BPTF: variants seen among roughly 807,000 people sequenced by gnomAD.
BPTF encodes bromodomain PHD finger transcription factor, also known as nucleosome-remodeling factor subunit BPTF.
A neutral mutation model predicts 292.5 loss-of-function variants in BPTF; 18 were observed. That is an observed-to-expected ratio of 0.06 (90% CI 0.04 to 0.09). BPTF has a LOEUF of 0.09. Ranked by LOEUF, BPTF falls within the 10% of genes least tolerant of loss-of-function variation. The pLI is 1.00. For missense variants in BPTF, 2,726 were observed against 3,498.7 expected, an observed-to-expected ratio of 0.78 and a Z score of 5.57; for synonymous variants, 1,225 against 1,251.9, an observed-to-expected ratio of 0.98 and a Z score of 0.45.
Position 67,854,351 on chromosome 17 carries a change from A to G in BPTF, c.1025A>G (p.His342Arg). The change falls in exon 2 of 28, where the codon CAC becomes CGC. Residue 342 changes from histidine to arginine, a missense_variant. Physicochemically the swap from His to Arg is conservative, Grantham distance 29. This residue lies in a region of BPTF where 102 missense variants were observed against 212.6 expected (regional missense o/e 0.48). Transcript: ENST00000306378. This position sits in a 1 kb window ranked among gnomAD's most constrained non-coding sequence, Gnocchi z 5.6. The stretch of plus-strand genomic sequence containing the variant: ...TGTGAGAGTGATAAGGAGTACCATC[A>G]CGTTCTTCCTTACCAAGAGGCAGAG... ...VYCESDKEYH[H>R]VLPYQEAEDY... is the part of the protein sequence containing the mutation. 1 of 1,614,232 alleles carries G rather than the reference A, an allele frequency of 6.2e-7. No individual in the cohort carries two copies. The highest frequency in any genetic ancestry group is 8.5e-7 in the Non-Finnish European group (1 of 1,180,040).
intron 4 of BPTF, chr17:67,875,845 C>A: frequency 9.7e-7 from 1 of 1,027,414 alleles, no homozygotes. Flanking sequence ...TGTGTTCATT[C>A]ATGCTGCTTG....
intron 9 of BPTF, 46 bp from the exon 10 acceptor site, chr17:67,909,536 A>T: frequency 7.6e-7 from 1 of 1,310,140 alleles, no homozygotes; most frequent in Non-Finnish European, 1.0e-6. Flanking sequence ...TTAAAGTGCT[A>T]ATACTCTGGA....
At chr17:67,887,023 A>G (rs1309786208) in intron 4 of BPTF, among the ~76,000 whole-genome samples, 1 of 152,198 alleles carries the variant, frequency 6.6e-6, no homozygotes, top group Non-Finnish European at 1.5e-5. Flanking sequence ...TGCTGGTCAA[A>G]TGGTAGCTAC....
intron 2 of BPTF, among the ~76,000 whole-genome samples, chr17:67,859,922 A>G (rs1308830748): frequency 6.6e-6 from 1 of 152,236 alleles, no homozygotes; most frequent in Non-Finnish European, 1.5e-5. Context: ...CGTGACTCAG[A>G]TGACTTTTTA....
intron 2 of BPTF, among the ~76,000 whole-genome samples, chr17:67,859,532 AC>A (rs1211888613): frequency 1.3e-5 from 2 of 152,140 alleles, no homozygotes; most frequent in Admixed American, 1.3e-4. Flanking sequence ...TTTGCCCAAG[AC>A]CCTGTGGCTC....
Position 67,826,159 on chromosome 17 carries a change from G to A in BPTF, c.435G>A (p.Glu145=), listed in dbSNP as rs2056002598. ...EEEEDMVSEE[E]EEEDGDAEET... is the part of the protein sequence containing the mutation. ...AGGAGGACATGGTCTCCGAGGAGGA[G>A]GAGGAGGAGGACGGCGACGCCGAGG... Residue 145 remains glutamate, a synonymous_variant, in exon 1 of 28, where the codon GAG becomes GAA. Transcript: ENST00000306378. 6.5e-7 allele frequency: 1 copy of A among 1,540,138 alleles called. No individual in the cohort carries two copies. Among genetic ancestry groups the A allele is most frequent in the Non-Finnish European group, 9.0e-7 (1 of 1,113,316 alleles).
chr17:67,964,690 A>G (rs1240681539), intron 25 of BPTF, among the ~76,000 whole-genome samples: 3 of 152,188 alleles, frequency 2.0e-5, no homozygotes, highest in Admixed American at 6.6e-5. Context: ...TGGATTGAGA[A>G]GCAGTATGAT....
chr17:67,891,773 T>G, intron 4 of BPTF, 71 bp from the exon 5 acceptor site: 3 of 1,222,724 alleles, frequency 2.5e-6, no homozygotes, highest in Non-Finnish European at 3.3e-6. Flanking sequence ...GATACGAGTT[T>G]TGGTGAAATA....
At chr17:67,963,967 T>G (rs2067760348) in intron 24 of BPTF, among the ~76,000 whole-genome samples, 1 of 152,242 alleles carries the variant, frequency 6.6e-6, no homozygotes, top group East Asian at 1.9e-4. Context: ...AATTGAATGT[T>G]TCATATTTAT....
At chr17:67,971,260 G>A (rs976412007) in intron 26 of BPTF, among the ~76,000 whole-genome samples, 3 of 151,994 alleles carry the variant, frequency 2.0e-5, no homozygotes, top group Non-Finnish European at 4.4e-5. Context: ...TGTATTTTTG[G>A]TAGAATCAGG....
chr17:67,978,516 C>G (rs1390420194), intron 27 of BPTF, among the ~76,000 whole-genome samples: 1 of 151,866 alleles, frequency 6.6e-6, no homozygotes, highest in Non-Finnish European at 1.5e-5. Context: ...CCAAGCCGGT[C>G]TCAAACTGCA....
intron 4 of BPTF, among the ~76,000 whole-genome samples, chr17:67,887,676 TTTAA>T (rs2146137659): frequency 6.6e-6 from 1 of 152,336 alleles, no homozygotes; most frequent in East Asian, 1.9e-4. Flanking sequence ...GAAGAGGGAA[TTTAA>T]TTAGCTCATG....
At chr17:67,904,022 T>TTTTA (rs889007841) in intron 8 of BPTF, 104 bp downstream of exon 8, 32 of 1,001,726 alleles carry the variant, frequency 3.2e-5, no homozygotes, top group African/African-American at 1.0e-4. Context: ...AGTCTTTGTA[T>TTTTA]TTTATTTATT....
At position 67,825,832 on chromosome 17, in the gene BPTF, CG is replaced by C; in HGVS notation, c.114del (p.Leu39SerfsTer26). The part of the protein sequence containing the change: ...PPPPPTSGPI[G>X]GLRSRHRGSS... ...CGCCGCCGCCCACGTCCGGACCCAT[CG>C]GGGGGCTCCGCTCGCGGCACCGCGG... On this transcript the variant is annotated frameshift_variant, in exon 1 of 28. Transcript: ENST00000306378. LOFTEE classifies it high-confidence loss of function. 9.8e-7 allele frequency: 1 copy of C among 1,017,544 alleles called. No homozygotes were observed. The highest frequency in any genetic ancestry group is 1.2e-6 in the Non-Finnish European group (1 of 852,842). The allele number at this position is 1,017,544 out of a possible 1,614,324, so 63.0% of individuals were successfully genotyped here.
Position 67,982,276 on chromosome 17 carries a change from T to A in BPTF, c.8751T>A (p.Ser2917=), listed in dbSNP as rs781872044. 2 of 1,611,866 alleles carry A rather than the reference T, an allele frequency of 1.2e-6. No individual in the cohort carries two copies. The highest frequency in any genetic ancestry group is 4.5e-5 in the East Asian group (2 of 44,850). ...GGTCTCATAACAACAAACTGCAGTCTACAGCTTCTTAAAGTTCAGCGTGTT... is the reference window on the plus strand; with the variant it reads ...GGTCTCATAACAACAAACTGCAGTCAACAGCTTCTTAAAGTTCAGCGTGTT... ...ASRSHNNKLQ[S]TAS The change falls in exon 28 of 28, where the codon TCT becomes TCA. Residue 2917 remains serine, a synonymous_variant. Coordinates refer to ENST00000306378, the MANE Select transcript of BPTF (RefSeq NM_182641.4).
rs368465790 is a variant in BPTF at position 67,910,809 on chromosome 17, A to AT, written c.2993-68_2993-67insT. ...AGTGAGACTCCATCTCAAAAAAAAAAATATATATATATAAATTCCTCCTTT... is the reference window on the plus strand; with the variant it reads ...AGTGAGACTCCATCTCAAAAAAAAAATATATATATATATAAATTCCTCCTTT... On this transcript the variant is annotated intron_variant, in intron 10 of 27. Transcript: ENST00000306378. The AT allele has an allele frequency of 7.3e-3, 7,517 of 1,036,678 alleles. 31 individuals carry two copies. Among genetic ancestry groups the AT allele is most frequent in the Admixed American group, 0.011 (215 of 19,838 alleles). The allele number at this position is 1,036,678 out of a possible 1,614,324, so 64.2% of individuals were successfully genotyped here.
Position 67,826,309 on chromosome 17 carries a change from G to A in BPTF, c.585G>A (p.Arg195=), listed in dbSNP as rs368068715. Residue 195 remains arginine, a synonymous_variant, in exon 1 of 28, where the codon AGG becomes AGA. Coordinates refer to ENST00000306378, the MANE Select transcript of BPTF (RefSeq NM_182641.4). ...DASYCTESSF[R]SHSTYSSTPG... is the part of the protein sequence containing the mutation. Reference sequence around the variant, plus strand: ...GTTACTGCACGGAAAGCAGCTTCAGGAGCCATAGTACCTACAGCAGCACTC... The same window carrying A: ...GTTACTGCACGGAAAGCAGCTTCAGAAGCCATAGTACCTACAGCAGCACTC... 1.8e-5 allele frequency: 29 copies of A among 1,612,066 alleles called. No individual in the cohort carries two copies. Among genetic ancestry groups the A allele is most frequent in the Admixed American group, 5.0e-5 (3 of 59,950 alleles).
Position 67,825,979 on chromosome 17 carries a change from C to G in BPTF, c.255C>G (p.Pro85=). The change falls in exon 1 of 28, where the codon CCC becomes CCG. Residue 85 remains proline (P), a synonymous_variant. Coordinates refer to ENST00000306378, the MANE Select transcript of BPTF (RefSeq NM_182641.4). ...CGCCGCCGCCGCCGCCGGCCCCCCCCAGCACCAGCGCCCCGGGCCGGGGGG... is the reference window on the plus strand; with the variant it reads ...CGCCGCCGCCGCCGCCGGCCCCCCCGAGCACCAGCGCCCCGGGCCGGGGGG... ...RKPPPPPPAP[P]STSAPGRGGR... The G allele has an allele frequency of 9.3e-7, 1 of 1,070,138 alleles. No individual in the cohort carries two copies. The highest frequency in any genetic ancestry group is 4.3e-5 in the South Asian group (1 of 22,992). 66.3% of individuals were successfully genotyped at this position (1,070,138 alleles called of 1,614,324 possible). A position where few individuals can be genotyped will look rare whatever the true frequency, so the allele number is the denominator to read the frequency against.
Position 67,826,092 on chromosome 17 carries a change from A to G in BPTF, c.368A>G (p.Lys123Arg), listed in dbSNP as rs1007454411. ...ACCGCGGCCCGGAGGGCCGTCAACA[A>G]AGTGGTGTACGATGACCACGAGAGC... ...RTTAARRAVN[K>R]VVYDDHESEE... The change falls in exon 1 of 28, where the codon AAA becomes AGA. Residue 123 changes from lysine (K) to arginine (R), a missense_variant. By Grantham distance (26) the Lys-to-Arg change is conservative. Around this residue, in one of 22 missense-constraint regions of BPTF, gnomAD observed 153 missense variants for 178.3 expected, o/e 0.86. Coordinates refer to ENST00000306378, the MANE Select transcript of BPTF (RefSeq NM_182641.4). 4.5e-6 allele frequency: 6 copies of G among 1,324,932 alleles called. No individual in the cohort carries two copies. The highest frequency in any genetic ancestry group is 3.0e-5 in the African/African-American group (2 of 67,506). 82.1% of individuals were successfully genotyped at this position (1,324,932 alleles called of 1,614,324 possible). A position where few individuals can be genotyped will look rare whatever the true frequency, so the allele number is the denominator to read the frequency against.
Sources: allele counts gnomAD v4.1 joint callset (sites outside exome capture counted in the v4.1 genomes callset), GRCh38; gene constraint gnomAD v4.1.1; regional missense constraint gnomAD v4.1.1; non-coding constraint Gnocchi (gnomAD v3.1); transcripts MANE v1.5; gene names NCBI Gene and HGNC (gene_info 2026-07-23, HGNC 2026-07-21).